Variants in ATP6V1C1 observed in about 807,000 individuals in gnomAD.
ATP6V1C1 encodes the protein V-type proton ATPase subunit C 1.
Under a neutral mutation model 53.9 loss-of-function variants are expected in ATP6V1C1, and 45 were observed. That is an observed-to-expected ratio of 0.83 (90% CI 0.66 to 1.07). The LOEUF (loss-of-function observed/expected upper bound fraction) is 1.07, where lower values mean the gene tolerates loss of function less well. ATP6V1C1 is among the 50% of genes least tolerant of loss of function. The pLI, the probability that ATP6V1C1 is intolerant of heterozygous loss-of-function variation, is 0.00. For synonymous variants in ATP6V1C1, 153 were observed against 155.2 expected, an observed-to-expected ratio of 0.99 and a Z score of 0.11; for missense variants, 315 against 440.3, an observed-to-expected ratio of 0.72 and a Z score of 2.55.
chr8:103,044,529 C>G (rs1449611292), intron 3 of ATP6V1C1, among the ~76,000 whole-genome samples: 1 of 152,172 alleles, frequency 6.6e-6, no homozygotes, highest in Non-Finnish European at 1.5e-5. Context: ...TACTGAAAAT[C>G]AATTGAACAT....
At chr8:103,048,846 T>A (rs1360193351) in intron 3 of ATP6V1C1, 24 bp from the exon 4 acceptor site, 1 of 1,584,322 alleles carries the variant, frequency 6.3e-7, no homozygotes, top group Non-Finnish European at 8.7e-7. Flanking sequence ...CTGAGAATGG[T>A]TGTTGATATT....
At chr8:103,030,513 T>TA (rs1325125307) in intron 1 of ATP6V1C1, among the ~76,000 whole-genome samples, 10 of 152,142 alleles carry the variant, frequency 6.6e-5, no homozygotes, top group African/African-American at 2.2e-4. Flanking sequence ...CAAGATATAT[T>TA]AAAAAACTGC....
chr8:103,043,055 A>G (rs1817029223), intron 3 of ATP6V1C1, among the ~76,000 whole-genome samples: 1 of 152,190 alleles, frequency 6.6e-6, no homozygotes, highest in South Asian at 2.1e-4. Flanking sequence ...GCTGCTGTGC[A>G]TATTTGTGTA....
Position 103,046,628 on chromosome 8 carries a change from C to T in ATP6V1C1, c.201-2242C>T, listed in dbSNP as rs377251426. Among the ~76,000 whole-genome samples the T allele has an allele frequency of 4.5e-4, 68 of 152,196 alleles. No individual in the cohort carries two copies. The South Asian group carries it at 0.013, about 30-fold the overall frequency. ...GTCAGCTGTTCTTTTCTTCATTGTT[C>T]GGCAAGCACATCTTCTTCAGTCCTC... is the stretch of plus-strand genomic sequence containing the variant. On this transcript the variant is annotated intron_variant, in intron 3 of 12. Transcript: ENST00000518738.
chr8:103,028,084 T>C (rs1816729211), intron 1 of ATP6V1C1, among the ~76,000 whole-genome samples: 1 of 152,194 alleles, frequency 6.6e-6, no homozygotes, highest in Non-Finnish European at 1.5e-5. Context: ...CCTAATGCTG[T>C]TAATGACATG....
chr8:103,040,744 CTT>C (rs1181205028), intron 1 of ATP6V1C1, 52 bp from the exon 2 acceptor site: 2 of 1,466,728 alleles, frequency 1.4e-6, no homozygotes, highest in Non-Finnish European at 1.8e-6. Flanking sequence ...TTCTGAAACA[CTT>C]TAGAAACAAA....
intron 3 of ATP6V1C1, among the ~76,000 whole-genome samples, chr8:103,048,261 T>C (rs966686919): frequency 6.6e-6 from 1 of 152,140 alleles, no homozygotes; most frequent in African/African-American, 2.4e-5. Context: ...GCCATTTTTT[T>C]CCCCCCTAAA....
chr8:103,037,641 A>G (rs191341610), intron 1 of ATP6V1C1, among the ~76,000 whole-genome samples: 45 of 152,312 alleles, frequency 3.0e-4, no homozygotes, highest in African/African-American at 9.9e-4. Context: ...ATTTTTAATA[A>G]ATTTGCCATG....
chr8:103,048,894 C>T lies in ATP6V1C1; in HGVS notation c.225C>T (p.Tyr75=), dbSNP rs1240489001. 6.2e-7 allele frequency: 1 copy of T among 1,613,242 alleles called. No homozygotes were observed. Among genetic ancestry groups the T allele is most frequent in the East Asian group, 2.2e-5 (1 of 44,760 alleles). ...VEGVVKKVAQ[Y]MADVLEDSKD... ...GAGTGGTTAAGAAAGTAGCTCAATA[C>T]ATGGCTGATGTATTGGAAGATAGCA... The change falls in exon 4 of 13, where the codon TAC becomes TAT. Residue 75 remains tyrosine, a synonymous_variant. Transcript: ENST00000518738.
intron 2 of ATP6V1C1, 57 bp downstream of exon 2, chr8:103,041,025 T>G: frequency 6.5e-7 from 1 of 1,545,526 alleles, no homozygotes; most frequent in Non-Finnish European, 8.8e-7. Context: ...GAGGGCCAGT[T>G]CTCTCTTTTA....
chr8:103,027,386 G>A (rs1816716911), intron 1 of ATP6V1C1, among the ~76,000 whole-genome samples: 1 of 152,184 alleles, frequency 6.6e-6, no homozygotes, highest in African/African-American at 2.4e-5. Flanking sequence ...AGCACTTAGT[G>A]GAGTGCGGTA....
chr8:103,069,519 A>G lies in ATP6V1C1; in HGVS notation c.*772A>G, dbSNP rs529211025. On this transcript the variant is annotated 3_prime_UTR_variant, in exon 13 of 13. Transcript: ENST00000518738. ...AACACTAGAATTTTAGGTCTCTCAA[A>G]TAATTAAGAATAGAGCCAGTTTTGA... 2.0e-5 allele frequency: 3 copies of G among 152,372 alleles called. No homozygotes were observed. Among genetic ancestry groups the G allele is most frequent in the East Asian group, 3.9e-4 (2 of 5,192 alleles). 9.4% of individuals were successfully genotyped at this position (152,372 alleles called of 1,614,324 possible). A position where few individuals can be genotyped will look rare whatever the true frequency, so the allele number is the denominator to read the frequency against.
chr8:103,055,894 A>G lies in ATP6V1C1; in HGVS notation c.599A>G (p.Gln200Arg). The G allele has an allele frequency of 1.9e-6, 3 of 1,612,286 alleles. No homozygotes were observed. The highest frequency in any genetic ancestry group is 1.7e-6 in the Non-Finnish European group (2 of 1,178,622). ...PKLNHNDWIKQYETLAEMVVP... is the reference protein window; with the variant it reads ...PKLNHNDWIKRYETLAEMVVP... ...TTAAACCACAACGACTGGATTAAGC[A>G]GTATGAAACACTAGCCGAAATGGTA... The change falls in exon 8 of 13, where the codon CAG becomes CGG. Residue 200 changes from glutamine (Q) to arginine (R), a missense_variant. Transcript: ENST00000518738.
At chr8:103,064,526 G>A (rs544926718) in intron 10 of ATP6V1C1, 188 bp from the exon 11 acceptor site, 5 of 471,744 alleles carry the variant, frequency 1.1e-5, no homozygotes, top group African/African-American at 3.9e-5. Flanking sequence ...CTGTAGTGGC[G>A]AACCTTTTAA....
chr8:103,066,233 T>C, intron 11 of ATP6V1C1, 88 bp from the exon 12 acceptor site: 1 of 1,442,326 alleles, frequency 6.9e-7, no homozygotes. Context: ...TTAACCATGA[T>C]TAAAGAGTAT....
intron 11 of ATP6V1C1, 61 bp downstream of exon 11, chr8:103,064,872 C>T: frequency 2.1e-6 from 3 of 1,446,314 alleles, no homozygotes; most frequent in Non-Finnish European, 2.9e-6. Flanking sequence ...TACATTGGAC[C>T]TCTTTATTAT....
At chr8:103,054,089 T>C in intron 7 of ATP6V1C1, 107 bp downstream of exon 7, 1 of 800,958 alleles carries the variant, frequency 1.2e-6, no homozygotes, top group Non-Finnish European at 1.9e-6. Flanking sequence ...GTAAAAGGAA[T>C]ATAACCTTGC....
intron 1 of ATP6V1C1, among the ~76,000 whole-genome samples, chr8:103,040,229 C>T (rs1816972236): frequency 7.2e-6 from 1 of 138,332 alleles, no homozygotes. Context: ...GCCTGGCTAA[C>T]ATGGCAAAAA....
At chr8:103,039,078 A>G (rs943964996) in intron 1 of ATP6V1C1, among the ~76,000 whole-genome samples, 3 of 152,198 alleles carry the variant, frequency 2.0e-5, no homozygotes, top group Non-Finnish European at 2.9e-5. Flanking sequence ...TTTTTTTTCT[A>G]GAATATAGTT....
Sources: allele counts gnomAD v4.1 joint callset (sites outside exome capture counted in the v4.1 genomes callset), GRCh38; gene constraint gnomAD v4.1.1; transcripts MANE v1.5; gene names NCBI Gene and HGNC (gene_info 2026-07-23, HGNC 2026-07-21).